The following FANK1 variants were observed in gnomAD, a reference collection of about 807,000 sequenced individuals.
The protein encoded by FANK1 is fibronectin type III and ankyrin repeat domains 1.
In FANK1, 44 loss-of-function variants were observed where a neutral mutation model predicts 45.3. The observed-to-expected ratio is 0.97, with a 90% CI of 0.76 to 1.25. The LOEUF is 1.25. Ranked by LOEUF, FANK1 falls within the 50% of genes most tolerant of loss-of-function variation. FANK1 has a pLI of 0.00. For missense variants in FANK1, 391 were observed against 424.4 expected, an observed-to-expected ratio of 0.92 and a Z score of 0.69; for synonymous variants, 149 against 152.5, an observed-to-expected ratio of 0.98 and a Z score of 0.17.
chr10:126,001,409 A>T (rs1485675013), intron 6 of FANK1, among the ~76,000 whole-genome samples: 1 of 152,226 alleles, frequency 6.6e-6, no homozygotes, highest in African/African-American at 2.4e-5. Context: ...AATCATACAG[A>T]ACAAGAGAGA....
chr10:125,990,782 T>C (rs73370580), intron 3 of FANK1, among the ~76,000 whole-genome samples: 2,538 of 152,250 alleles, frequency 0.017, 74 homozygotes, highest in African/African-American at 0.055. Flanking sequence ...TAATTTATTA[T>C]AAAGGAAAGA....
At position 125,995,593 on chromosome 10, in the gene FANK1, C is replaced by A. The variant is rs993176307; in HGVS notation, c.398+95C>A. The A allele has an allele frequency of 3.3e-6, 4 of 1,227,762 alleles. No individual in the cohort carries two copies. In the African/African-American group the frequency reaches 6.0e-5, roughly 18 times the overall value. The allele number at this position is 1,227,762 out of a possible 1,614,324, so 76.1% of individuals were successfully genotyped here. On this transcript the variant is annotated intron_variant, in intron 4 of 10. Coordinates refer to ENST00000368693, the MANE Select transcript of FANK1 (RefSeq NM_145235.5). ...TTCATTTTGTTTTCCTAAAAATTCC[C>A]ATGGCTTTGAAACTGCCTCCAAAAT...
chr10:125,929,366 A>G (rs189871597), intron 1 of FANK1, among the ~76,000 whole-genome samples: 1 of 152,234 alleles, frequency 6.6e-6, no homozygotes, highest in East Asian at 1.9e-4. Flanking sequence ...CTCTGTTTCC[A>G]TAGGAGTCTG....
chr10:125,965,640 C>G (rs1383464050), intron 1 of FANK1, among the ~76,000 whole-genome samples: 1 of 152,194 alleles, frequency 6.6e-6, no homozygotes, highest in East Asian at 1.9e-4. Context: ...GAGCCTTGGT[C>G]TCCTCCTCTC....
intron 1 of FANK1, among the ~76,000 whole-genome samples, chr10:125,923,229 T>C (rs1007893785): frequency 6.6e-6 from 1 of 151,710 alleles, no homozygotes; most frequent in African/African-American, 2.4e-5. Context: ...GAGGCTCAGG[T>C]GGGAGGACCA....
intron 1 of FANK1, chr10:125,960,278 G>C: frequency 3.3e-6 from 1 of 299,450 alleles, no homozygotes; most frequent in Non-Finnish European, 6.8e-6. Context: ...CATCCTTTCA[G>C]GCATTCTGCA....
At chr10:126,007,298 T>C (rs116216320) in intron 7 of FANK1, 4 of 152,244 alleles carry the variant, frequency 2.6e-5, no homozygotes, top group African/African-American at 9.6e-5. Flanking sequence ...ATTTTGATTG[T>C]TTGTAAACCA....
In FANK1 at chr10:126,004,911, C is replaced by T; in HGVS notation, c.567C>T (p.His189=). The part of the protein sequence containing the change: ...DSLMLACYAG[H]LDVVKYLRRH... ...TAATGCTGGCGTGCTATGCGGGACACCTAGATGTTGTGAAATATCTCCGAA... is the reference window on the plus strand; with the variant it reads ...TAATGCTGGCGTGCTATGCGGGACATCTAGATGTTGTGAAATATCTCCGAA... Residue 189 remains histidine, a synonymous_variant, in exon 7 of 11, where the codon CAC becomes CAT. Coordinates refer to ENST00000368693, the MANE Select transcript of FANK1 (RefSeq NM_145235.5). The T allele has an allele frequency of 6.2e-7, 1 of 1,614,104 alleles. No homozygotes were observed.
intron 1 of FANK1, among the ~76,000 whole-genome samples, chr10:125,953,205 C>G (rs1014024885): frequency 2.6e-5 from 4 of 152,184 alleles, no homozygotes; most frequent in Admixed American, 6.5e-5. Context: ...ACTTGGCCCC[C>G]CTGCCAGGGC....
chr10:125,922,058 A>G (rs1200070639), intron 1 of FANK1, among the ~76,000 whole-genome samples: 2 of 151,988 alleles, frequency 1.3e-5, no homozygotes, highest in African/African-American at 2.4e-5. Flanking sequence ...TTGATGCTTC[A>G]TTTCTCATAA....
At chr10:125,990,963 G>C (rs1951886673) in intron 3 of FANK1, among the ~76,000 whole-genome samples, 1 of 152,138 alleles carries the variant, frequency 6.6e-6, no homozygotes, top group Admixed American at 6.5e-5. Context: ...ACTATCATGA[G>C]AACAGCATGG....
intron 1 of FANK1, among the ~76,000 whole-genome samples, chr10:125,938,972 C>T (rs563055954): frequency 2.0e-5 from 3 of 152,290 alleles, no homozygotes; most frequent in East Asian, 1.9e-4. Context: ...GTAACCAAGT[C>T]ATCAAGCTTA....
At chr10:125,913,836 C>CT (rs1192302922) in intron 1 of FANK1, among the ~76,000 whole-genome samples, 3 of 152,148 alleles carry the variant, frequency 2.0e-5, no homozygotes, top group African/African-American at 7.2e-5. Flanking sequence ...TGGTGCCTAC[C>CT]TTCGTGCCCG....
At chr10:125,907,483 T>C (rs1945621278) in intron 1 of FANK1, 1 of 985,400 alleles carries the variant, frequency 1.0e-6, no homozygotes, top group Non-Finnish European at 1.2e-6. Flanking sequence ...GCTCAGCCTT[T>C]TGGATGAAAT....
At chr10:125,967,277 C>T (rs1354592461) in intron 1 of FANK1, among the ~76,000 whole-genome samples, 1 of 152,194 alleles carries the variant, frequency 6.6e-6, no homozygotes, top group Non-Finnish European at 1.5e-5. Context: ...GGTTTGAATC[C>T]TGGCTCTGCT....
intron 6 of FANK1, among the ~76,000 whole-genome samples, chr10:125,997,852 C>T (rs188946449): frequency 2.4e-4 from 37 of 152,346 alleles, no homozygotes; most frequent in East Asian, 1.9e-3. Context: ...CTCAGGCCCC[C>T]GCTGCATTTC....
At chr10:125,969,461 G>T (rs1384386562) in intron 1 of FANK1, among the ~76,000 whole-genome samples, 1 of 152,104 alleles carries the variant, frequency 6.6e-6, no homozygotes, top group Non-Finnish European at 1.5e-5. Flanking sequence ...CTATGAATGT[G>T]TATCTGTGGG....
intron 2 of FANK1, chr10:125,980,974 C>T (rs1951169440): frequency 6.6e-6 from 1 of 152,320 alleles, no homozygotes; most frequent in Non-Finnish European, 1.5e-5. Context: ...TGCCACATAG[C>T]ATTTAGCTCT....
At chr10:125,903,983 G>C (rs1474892206) in intron 1 of FANK1, among the ~76,000 whole-genome samples, 1 of 151,986 alleles carries the variant, frequency 6.6e-6, no homozygotes, top group Admixed American at 6.5e-5. Context: ...CCGCGTAGCT[G>C]GGACCACAGA....
Sources: allele counts gnomAD v4.1 joint callset (sites outside exome capture counted in the v4.1 genomes callset), GRCh38; gene constraint gnomAD v4.1.1; transcripts MANE v1.5; gene names NCBI Gene and HGNC (gene_info 2026-07-23, HGNC 2026-07-21).